Variants in SLC25A26 observed in about 807,000 individuals in gnomAD.
SLC25A26 encodes the protein solute carrier family 25 member 26, also known as mitochondrial S-adenosylmethionine carrier protein.
In SLC25A26, 36 loss-of-function variants were observed where a neutral mutation model predicts 37.8. The ratio of observed to expected loss-of-function variants is 0.95; its 90% CI spans 0.73 to 1.26. The LOEUF (loss-of-function observed/expected upper bound fraction) is 1.26. SLC25A26 is among the 50% of genes most tolerant of loss of function. The probability of loss-of-function intolerance (pLI) is 0.00; values close to 1 mark genes in which losing one functional copy is unlikely to be tolerated. For missense variants in SLC25A26, 390 were observed against 331.1 expected, an observed-to-expected ratio of 1.18 and a Z score of -1.38; for synonymous variants, 129 against 122.5, an observed-to-expected ratio of 1.05 and a Z score of -0.35.
chr3:66,327,364 A>T (rs2075863900), intron 5 of SLC25A26, among the ~76,000 whole-genome samples: 2 of 152,202 alleles, frequency 1.3e-5, no homozygotes, highest in Non-Finnish European at 2.9e-5. Flanking sequence ...CTCCAGGATA[A>T]AAACACAAGG....
chr3:66,245,250 TA>T (rs60891030), intron 3 of SLC25A26, among the ~76,000 whole-genome samples: 87,664 of 135,676 alleles, frequency 0.65, 28,006 homozygotes, highest in South Asian at 0.79. Flanking sequence ...CAGTTATGAT[TA>T]AAAAAAAAAA....
At chr3:66,291,021 C>T (rs2074687540) in intron 5 of SLC25A26, among the ~76,000 whole-genome samples, 1 of 151,958 alleles carries the variant, frequency 6.6e-6, no homozygotes, top group African/African-American at 2.4e-5. Flanking sequence ...AGAGATTCAC[C>T]TTCTTCCTGG....
At chr3:66,246,826 G>C (rs1040042694) in intron 3 of SLC25A26, among the ~76,000 whole-genome samples, 3 of 152,242 alleles carry the variant, frequency 2.0e-5, no homozygotes, top group African/African-American at 7.2e-5. Flanking sequence ...GAGACTACTG[G>C]TGTGCGCCAC....
intron 1 of SLC25A26, among the ~76,000 whole-genome samples, chr3:66,184,824 C>T (rs969980409): frequency 6.6e-6 from 1 of 152,030 alleles, no homozygotes; most frequent in Admixed American, 6.6e-5. Flanking sequence ...TCAACCTGTC[C>T]CTGGTCGTGA....
At chr3:66,351,728 A>C (rs1164089128) in intron 6 of SLC25A26, among the ~76,000 whole-genome samples, 1 of 152,140 alleles carries the variant, frequency 6.6e-6, no homozygotes, top group Non-Finnish European at 1.5e-5. Context: ...CTTCTCAGTA[A>C]ATAGCAAAGT....
At chr3:66,215,286 T>C (rs1309431409) in intron 1 of SLC25A26, among the ~76,000 whole-genome samples, 1 of 152,152 alleles carries the variant, frequency 6.6e-6, no homozygotes, top group Non-Finnish European at 1.5e-5. Flanking sequence ...ACTACAGCCT[T>C]GACCTCTTAT....
chr3:66,366,299 C>T (rs943844878), intron 7 of SLC25A26, among the ~76,000 whole-genome samples: 12 of 152,282 alleles, frequency 7.9e-5, no homozygotes, highest in East Asian at 5.8e-4. Flanking sequence ...TTAAATAAAA[C>T]GTAGAAAATA....
At chr3:66,202,213 G>C (rs878915981) in intron 1 of SLC25A26, among the ~76,000 whole-genome samples, 30,361 of 151,920 alleles carry the variant, frequency 0.2, 3,970 homozygotes, top group African/African-American at 0.33. Flanking sequence ...CCTTTGCAGG[G>C]ACATGGATAA....
At chr3:66,208,668 ATATATATATACACATTTATATGGG>A (rs2071213772) in intron 1 of SLC25A26, among the ~76,000 whole-genome samples, 18 of 146,668 alleles carry the variant, frequency 1.2e-4, no homozygotes, top group Admixed American at 6.3e-4. Flanking sequence ...ATGGGTATAT[ATATATATATACACATTTATATGGG>A]TATATATATA....
intron 1 of SLC25A26, among the ~76,000 whole-genome samples, chr3:66,165,840 G>A (rs375082767): frequency 2.0e-5 from 3 of 151,956 alleles, no homozygotes; most frequent in African/African-American, 7.3e-5. Flanking sequence ...AGGAGTCCAG[G>A]TGTCCAACAT....
chr3:66,328,568 T>C (rs1028004136), intron 5 of SLC25A26, among the ~76,000 whole-genome samples: 3 of 152,196 alleles, frequency 2.0e-5, no homozygotes, highest in Non-Finnish European at 4.4e-5. Context: ...TATTTAACAG[T>C]ACCTCCATTC....
chr3:66,258,671 C>T (rs1360128456), intron 3 of SLC25A26, among the ~76,000 whole-genome samples: 1 of 152,004 alleles, frequency 6.6e-6, no homozygotes, highest in Non-Finnish European at 1.5e-5. Flanking sequence ...CACACACATC[C>T]ATGGTATTTA....
intron 1 of SLC25A26, among the ~76,000 whole-genome samples, chr3:66,159,985 A>G (rs570834484): frequency 6.6e-6 from 1 of 152,208 alleles, no homozygotes; most frequent in Non-Finnish European, 1.5e-5. Context: ...GCGCTGCATT[A>G]ATAAAATACT....
intron 5 of SLC25A26, among the ~76,000 whole-genome samples, chr3:66,282,052 C>T (rs573023447): frequency 8.3e-4 from 116 of 138,990 alleles, no homozygotes; most frequent in Admixed American, 1.6e-3. Context: ...TCGCCCAGGC[C>T]GGACTGCGGA....
At position 66,199,465 on chromosome 3, in the gene SLC25A26, G is replaced by A. The variant is rs996739704; in HGVS notation, c.-353-21277G>A. On this transcript the variant is annotated intron_variant, in intron 1 of 10. Transcript: ENST00000676754. ...CACTGACTTTCAGCCTCCTTTGAAC[G>A]TTGACTCTTACTTGTCCCCATTGAC... 6.4e-4 allele frequency among the ~76,000 whole-genome samples: 97 copies of A among 151,924 alleles called. 1 individual carries two copies. Among genetic ancestry groups the A allele is most frequent in the African/African-American group, 2.0e-3 (82 of 41,394 alleles).
chr3:66,175,105 G>GTATACATATATA, intron 1 of SLC25A26, among the ~76,000 whole-genome samples: 1 of 43,344 alleles, frequency 2.3e-5, no homozygotes, highest in South Asian at 6.7e-4. Context: ...GTATATGTGT[G>GTATACATATATA]TGTGTATATA....
chr3:66,331,995 G>A (rs1346094337), intron 5 of SLC25A26, among the ~76,000 whole-genome samples: 1 of 139,290 alleles, frequency 7.2e-6, no homozygotes, highest in Non-Finnish European at 1.5e-5. Context: ...GCAATGGCAC[G>A]ATCTTGGCTC....
intron 5 of SLC25A26, among the ~76,000 whole-genome samples, chr3:66,331,574 G>GT (rs906523950): frequency 1.7e-4 from 26 of 152,152 alleles, no homozygotes; most frequent in Admixed American, 3.3e-4. Context: ...GTGTCATATA[G>GT]TTTTTTCTTG....
At chr3:66,208,972 GTGTA>G (rs1315013616) in intron 1 of SLC25A26, among the ~76,000 whole-genome samples, 27 of 75,876 alleles carry the variant, frequency 3.6e-4, no homozygotes, top group African/African-American at 1.7e-3. Flanking sequence ...ATATAAAGGT[GTGTA>G]TATATATATA....
Sources: allele counts gnomAD v4.1 joint callset (sites outside exome capture counted in the v4.1 genomes callset), GRCh38; gene constraint gnomAD v4.1.1; transcripts MANE v1.5; gene names NCBI Gene and HGNC (gene_info 2026-07-23, HGNC 2026-07-21).